EIF4E3: variants seen among roughly 807,000 people sequenced by gnomAD.
The protein encoded by EIF4E3 is eukaryotic translation initiation factor 4E family member 3.
EIF4E3 carries 26 observed loss-of-function variants against 31.7 expected under a neutral mutation model. The ratio of observed to expected loss-of-function variants is 0.82; its 90% CI spans 0.60 to 1.14. EIF4E3 has a LOEUF of 1.14. EIF4E3 is among the 50% of genes most tolerant of loss of function. The pLI is 0.00. For missense variants in EIF4E3, 304 were observed against 270.9 expected, an observed-to-expected ratio of 1.12 and a Z score of -0.86; for synonymous variants, 128 against 107.7, an observed-to-expected ratio of 1.19 and a Z score of -1.17.
chr3:71,704,891 A>G (rs2049268124), intron 2 of EIF4E3, among the ~76,000 whole-genome samples: 1 of 152,276 alleles, frequency 6.6e-6, no homozygotes, highest in African/African-American at 2.4e-5. Context: ...GTGGAGGAAT[A>G]CAAGCAATTT....
At chr3:71,733,444 G>C (rs1214086071) in intron 1 of EIF4E3, among the ~76,000 whole-genome samples, 1 of 152,228 alleles carries the variant, frequency 6.6e-6, no homozygotes, top group Admixed American at 6.5e-5. Flanking sequence ...CTCTGAGGAA[G>C]TGTATTGTGC....
chr3:71,701,119 G>A (rs1301613885), intron 2 of EIF4E3, among the ~76,000 whole-genome samples: 1 of 152,150 alleles, frequency 6.6e-6, no homozygotes, highest in African/African-American at 2.4e-5. Context: ...AGGGTTTGTT[G>A]CATAAACTGC....
chr3:71,714,020 G>A (rs111492360), intron 1 of EIF4E3, among the ~76,000 whole-genome samples: 316 of 152,118 alleles, frequency 2.1e-3, no homozygotes, highest in South Asian at 6.8e-3. Context: ...AGACCAGCCT[G>A]GCCAAAATGA....
At chr3:71,713,894 T>A (rs1404109188) in intron 1 of EIF4E3, among the ~76,000 whole-genome samples, 1 of 152,146 alleles carries the variant, frequency 6.6e-6, no homozygotes. Context: ...TAACACCTGA[T>A]GATACTGATG....
chr3:71,699,774 T>C, intron 2 of EIF4E3, 66 bp from the exon 3 acceptor site: 1 of 1,376,932 alleles, frequency 7.3e-7, no homozygotes, highest in Non-Finnish European at 1.0e-6. Flanking sequence ...TGCTAGATTA[T>C]CAAATTAATG....
intron 1 of EIF4E3, among the ~76,000 whole-genome samples, chr3:71,743,344 A>G (rs1371975506): frequency 1.3e-5 from 2 of 152,198 alleles, no homozygotes; most frequent in African/African-American, 4.8e-5. Flanking sequence ...TAGGGTAGAA[A>G]TGAACAATTA....
chr3:71,659,482 C>A, the EIF4E3 span, among the ~76,000 whole-genome samples: 1 of 152,184 alleles, frequency 6.6e-6, no homozygotes, highest in Non-Finnish European at 1.5e-5. Flanking sequence ...GGGCACAGAT[C>A]GTCTTCTTGA....
In EIF4E3 at chr3:71,677,490, C is replaced by T. The variant is rs928782737; in HGVS notation, c.*7192G>A. The T allele has an allele frequency of 1.3e-5, 2 of 152,016 alleles. No individual in the cohort carries two copies. The highest frequency in any genetic ancestry group is 6.6e-5 in the Admixed American group (1 of 15,262). The allele number at this position is 152,016 out of a possible 1,614,324, so 9.4% of individuals were successfully genotyped here. On this transcript the variant is annotated 3_prime_UTR_variant, in exon 7 of 7. Transcript: ENST00000425534. ...GAGGAACCTATGCTAATAGAACAAC[C>T]GAGAACACATTCCAAAAAGTGCATC...
intron 1 of EIF4E3, among the ~76,000 whole-genome samples, chr3:71,716,259 G>C (rs1438670201): frequency 6.6e-6 from 1 of 151,990 alleles, no homozygotes; most frequent in Non-Finnish European, 1.5e-5. Context: ...TGGAGACGGA[G>C]TCTCGCTCTG....
chr3:71,662,682 TG>T, the EIF4E3 span, among the ~76,000 whole-genome samples: 1 of 152,214 alleles, frequency 6.6e-6, no homozygotes, highest in Admixed American at 6.5e-5. Flanking sequence ...CACCAGCTGC[TG>T]TAAAACCAAA....
intron 5 of EIF4E3, among the ~76,000 whole-genome samples, chr3:71,691,024 T>C (rs2049056935): frequency 6.6e-6 from 1 of 152,322 alleles, no homozygotes; most frequent in Non-Finnish European, 1.5e-5. Context: ...TACTGTTTTA[T>C]CCTCCCTTGC....
At chr3:71,711,027 T>G (rs2049371094) in intron 1 of EIF4E3, among the ~76,000 whole-genome samples, 1 of 152,234 alleles carries the variant, frequency 6.6e-6, no homozygotes, top group South Asian at 2.1e-4. Flanking sequence ...AGAAAATACT[T>G]TCAGTTCTTT....
chr3:71,712,874 A>C (rs2108084989), intron 1 of EIF4E3, among the ~76,000 whole-genome samples: 2 of 140,506 alleles, frequency 1.4e-5, no homozygotes, highest in South Asian at 4.6e-4. Context: ...AAAAAAAAGC[A>C]CTGATGAAAA....
At chr3:71,696,005 A>C (rs888784170) in intron 4 of EIF4E3, among the ~76,000 whole-genome samples, 1 of 152,220 alleles carries the variant, frequency 6.6e-6, no homozygotes, top group African/African-American at 2.4e-5. Flanking sequence ...GAAACCCCAA[A>C]GGATAGTGAA....
At chr3:71,744,358 T>C (rs747618326) in intron 1 of EIF4E3, among the ~76,000 whole-genome samples, 46 of 152,326 alleles carry the variant, frequency 3.0e-4, no homozygotes, top group Middle Eastern at 6.8e-3. Context: ...TCATTGGTCA[T>C]AATTGCCAAC....
chr3:71,666,989 A>C, the EIF4E3 span, among the ~76,000 whole-genome samples: 2 of 152,172 alleles, frequency 1.3e-5, no homozygotes, highest in Non-Finnish European at 2.9e-5. Context: ...ACGAACATCA[A>C]TGCGAAAATC....
chr3:71,700,672 G>A (rs1177233909), intron 2 of EIF4E3, among the ~76,000 whole-genome samples: 1 of 151,492 alleles, frequency 6.6e-6, no homozygotes, highest in Non-Finnish European at 1.5e-5. Context: ...AGAAGTCTGT[G>A]ATGCTATGGC....
intron 6 of EIF4E3, among the ~76,000 whole-genome samples, chr3:71,686,603 G>C (rs2048995676): frequency 6.8e-6 from 1 of 147,768 alleles, no homozygotes; most frequent in Non-Finnish European, 1.5e-5. Flanking sequence ...AAGATATTTA[G>C]GGAAGATATC....
At chr3:71,725,597 G>C (rs2049627582), upstream of EIF4E3, among the ~76,000 whole-genome samples, 1 of 151,982 alleles carries the variant, frequency 6.6e-6, no homozygotes. The surrounding 1 kb of genome is among the most constrained non-coding windows in gnomAD (Gnocchi z 6.1). Context: ...GACCCACGGA[G>C]GGATGGGGGG....
Sources: gnomAD v4.1 joint callset for allele counts (sites outside exome capture counted in the v4.1 genomes callset) on GRCh38, gnomAD v4.1.1 for gene constraint, Gnocchi (gnomAD v3.1) non-coding constraint, MANE v1.5 for transcripts, NCBI Gene and HGNC (gene_info 2026-07-23, HGNC 2026-07-21) for gene names.